Variants in CEP290 observed in about 807,000 individuals in gnomAD.
The protein encoded by CEP290 is centrosomal protein 290.
A neutral mutation model predicts 344.9 loss-of-function variants in CEP290; 317 were observed. That is an observed-to-expected ratio of 0.92 (90% CI 0.84 to 1.01). CEP290 has a LOEUF of 1.01. Ranked by LOEUF, CEP290 falls within the 50% of genes least tolerant of loss-of-function variation. The pLI is 0.00. For synonymous variants in CEP290, 932 were observed against 895.8 expected (o/e 1.04, Z -0.72); for missense variants, 2,754 against 2,761.4 (o/e 1.00, Z 0.06).
At chr12:88,082,457 C>T (rs1457240405) in intron 37 of CEP290, among the ~76,000 whole-genome samples, 2 of 152,130 alleles carry the variant, frequency 1.3e-5, no homozygotes, top group Non-Finnish European at 2.9e-5. Context: ...CTTTGGGAGG[C>T]CGAAGTGGGC....
intron 49 of CEP290, among the ~76,000 whole-genome samples, chr12:88,056,530 A>C (rs1459336878): frequency 6.6e-6 from 1 of 152,174 alleles, no homozygotes; most frequent in Non-Finnish European, 1.5e-5. Context: ...GAATGTTTTT[A>C]ACCTGACAGA....
intron 29 of CEP290, among the ~76,000 whole-genome samples, chr12:88,091,200 T>C (rs2037012182): frequency 1.3e-5 from 2 of 152,134 alleles, no homozygotes; most frequent in South Asian, 4.1e-4. Flanking sequence ...CATACTTTTT[T>C]CCATAAAACA....
chr12:88,089,277 G>A lies in CEP290; in HGVS notation c.3784C>T (p.His1262Tyr). 1 of 1,613,984 alleles carries A rather than the reference G, an allele frequency of 6.2e-7. No individual in the cohort carries two copies. Among genetic ancestry groups the A allele is most frequent in the African/African-American group, 1.3e-5 (1 of 75,054 alleles). Reference sequence around the variant, plus strand: ...AGAGACTGAATTGTTTGGCGCAGATGTTTTGCTCTGTTTCTTCCCTCCAAA... The same window carrying A: ...AGAGACTGAATTGTTTGGCGCAGATATTTTGCTCTGTTTCTTCCCTCCAAA... ...ARLEGRNRAKHLRQTIQSLRR... is the reference protein window; with the variant it reads ...ARLEGRNRAKYLRQTIQSLRR... The change falls in exon 31 of 54, where the codon CAT becomes TAT. Residue 1262 changes from histidine (H) to tyrosine (Y), a missense_variant. Physicochemically the swap from His to Tyr is moderately conservative, Grantham distance 83. Coordinates refer to ENST00000552810, the MANE Select transcript of CEP290 (RefSeq NM_025114.4).
At position 88,140,980 on chromosome 12, in the gene CEP290, GA is replaced by G; in HGVS notation, c.155del (p.Phe52SerfsTer7). 1.9e-6 allele frequency: 3 copies of G among 1,591,274 alleles called. No homozygotes were observed. Among genetic ancestry groups the G allele is most frequent in the Non-Finnish European group, 2.6e-6 (3 of 1,171,624 alleles). On this transcript the variant is annotated frameshift_variant, in exon 3 of 54. Transcript: ENST00000552810. LOFTEE classifies it high-confidence loss of function. ...SEKQENVIHLFRITQSLMKMK... is the reference protein window; with the variant it reads ...SEKQENVIHLXRITQSLMKMK... ...CCTTCATTAGTGACTGAGTAATTCT[GA>G]AAAGGTGTATCACATTTTCTTGCTT...
intron 38 of CEP290, among the ~76,000 whole-genome samples, chr12:88,079,689 C>T (rs2036047361): frequency 6.6e-6 from 1 of 151,928 alleles, no homozygotes; most frequent in African/African-American, 2.4e-5. Flanking sequence ...TTAAATAGAT[C>T]AAATCTGAGA....
At chr12:88,106,113 C>G (rs1485768786) in intron 25 of CEP290, among the ~76,000 whole-genome samples, 2 of 152,052 alleles carry the variant, frequency 1.3e-5, no homozygotes, top group African/African-American at 4.8e-5. Flanking sequence ...ACCAGATACT[C>G]TTGAAGTGAT....
chr12:88,140,887 T>G, intron 3 of CEP290, 69 bp downstream of exon 3: 1 of 990,578 alleles, frequency 1.0e-6, no homozygotes, highest in Non-Finnish European at 1.5e-6. Flanking sequence ...AAGATTACCT[T>G]ATATAAGAAC....
intron 29 of CEP290, among the ~76,000 whole-genome samples, chr12:88,091,923 T>A (rs917419532): frequency 5.3e-5 from 8 of 152,114 alleles, no homozygotes; most frequent in Non-Finnish European, 1.0e-4. Flanking sequence ...TCTTTGTTTG[T>A]TTGTTTGTTT....
At chr12:88,064,457 G>T (rs1373347361) in intron 44 of CEP290, among the ~76,000 whole-genome samples, 1 of 151,988 alleles carries the variant, frequency 6.6e-6, no homozygotes, top group Non-Finnish European at 1.5e-5. Context: ...AACCGTTATG[G>T]GTTGAACTGT....
In CEP290 at chr12:88,079,101, T is replaced by A; in HGVS notation, c.5355A>T (p.Arg1785Ser). The change falls in exon 39 of 54, where the codon AGA (arginine) becomes AGT (serine). Residue 1785 changes from arginine (R) to serine (S), a missense_variant. Arg to Ser is a moderately radical substitution (Grantham distance 110, BLOSUM62 -1). Coordinates refer to ENST00000552810, the MANE Select transcript of CEP290 (RefSeq NM_025114.4). ...ACGTGTTGATGTTCACCTTTAGCTC[T>A]CTAGTATGTCGATCAACGATTTGTT... Reference protein sequence around the residue: ...NVQQIVDRHTRELKTQVEDLN... With the variant: ...NVQQIVDRHTSELKTQVEDLN... 7.6e-6 allele frequency: 12 copies of A among 1,579,726 alleles called. No individual in the cohort carries two copies. The highest frequency in any genetic ancestry group is 1.0e-5 in the Non-Finnish European group (12 of 1,168,276).
At chr12:88,083,340 A>C in intron 36 of CEP290, 110 bp from the exon 37 acceptor site, 1 of 602,098 alleles carries the variant, frequency 1.7e-6, no homozygotes, top group Non-Finnish European at 2.6e-6. Flanking sequence ...CTAATCTAAA[A>C]TGTAATGATT....
intron 51 of CEP290, 72 bp downstream of exon 51, chr12:88,054,268 C>T (rs933754766): frequency 1.4e-5 from 13 of 941,160 alleles, no homozygotes; most frequent in African/African-American, 5.1e-5. Context: ...TGTAGCAATT[C>T]GGAGTATATA....
chr12:88,114,024 G>A (rs569316277), intron 20 of CEP290, among the ~76,000 whole-genome samples: 41 of 152,130 alleles, frequency 2.7e-4, no homozygotes, highest in Middle Eastern at 3.4e-3. Flanking sequence ...GGGTGCAATT[G>A]CAGAGATCTA....
Position 88,049,220 on chromosome 12 carries a change from A to T in CEP290, c.7404T>A (p.Asp2468Glu), listed in dbSNP as rs371277324. 2 of 1,600,336 alleles carry T rather than the reference A, an allele frequency of 1.2e-6. No individual in the cohort carries two copies. Among genetic ancestry groups the T allele is most frequent in the East Asian group, 2.2e-5 (1 of 44,648 alleles). The change falls in exon 54 of 54, where the codon GAT becomes GAA. Residue 2468 changes from aspartate (D) to glutamate (E), a missense_variant. Transcript: ENST00000552810. ...GGAAATTAACAGGACTTTCTTCTTC[A>T]TCTTCAAACTCTTCAGAAGCAGCAA... ...SPVAASEEFE[D>E]EEESPVNFPI...
intron 23 of CEP290, among the ~76,000 whole-genome samples, chr12:88,108,426 T>C (rs558697501): frequency 2.0e-5 from 3 of 152,364 alleles, no homozygotes; most frequent in East Asian, 1.9e-4. Context: ...TCATAGGCGA[T>C]AACAACAACC....
chr12:88,089,727 T>C (rs2036876488), intron 30 of CEP290, among the ~76,000 whole-genome samples: 1 of 134,350 alleles, frequency 7.4e-6, no homozygotes, highest in Non-Finnish European at 1.6e-5. Context: ...GTTACTGGTG[T>C]TTTTTTTTTT....
chr12:88,103,147 T>A (rs1294315291), intron 25 of CEP290, 136 bp from the exon 26 acceptor site: 1 of 459,790 alleles, frequency 2.2e-6, no homozygotes, highest in Non-Finnish European at 3.6e-6. Context: ...ATTTCCCATG[T>A]AAGAAAAACA....
rs11836796 is a variant in CEP290, at chr12:88,092,734, T to C, written c.3408A>G (p.Gln1136=). 2.9e-5 allele frequency: 47 copies of C among 1,610,570 alleles called. No individual in the cohort carries two copies. In the African/African-American group the frequency reaches 5.5e-4, roughly 19 times the overall value. Residue 1136 remains glutamine, a synonymous_variant, in exon 29 of 54, where the codon CAA becomes CAG. Coordinates refer to ENST00000552810, the MANE Select transcript of CEP290 (RefSeq NM_025114.4). ...CATTCTTCTCTAATTCTAGAATCCGTTGCCTATCAGCATCACTTACTGCCT... is the reference window on the plus strand; with the variant it reads ...CATTCTTCTCTAATTCTAGAATCCGCTGCCTATCAGCATCACTTACTGCCT... ...VSKAVSDADR[Q]RILELEKNEM... is the part of the protein sequence containing the mutation.
At chr12:88,060,707 T>G in intron 47 of CEP290, 123 bp downstream of exon 47, 1 of 669,578 alleles carries the variant, frequency 1.5e-6, no homozygotes, top group Non-Finnish European at 2.4e-6. Flanking sequence ...TTTCTATATT[T>G]ATAAAATATG....
Sources: gnomAD v4.1 joint callset for allele counts (sites outside exome capture counted in the v4.1 genomes callset) on GRCh38, gnomAD v4.1.1 for gene constraint, MANE v1.5 for transcripts, NCBI Gene and HGNC (gene_info 2026-07-23, HGNC 2026-07-21) for gene names.